PRKAR1B: variants seen among roughly 807,000 people sequenced by gnomAD.
PRKAR1B encodes the protein cAMP-dependent protein kinase type I-beta regulatory subunit.
In PRKAR1B, 22 loss-of-function variants were observed where a neutral mutation model predicts 46.5. The ratio of observed to expected loss-of-function variants is 0.47; its 90% CI spans 0.34 to 0.68. The LOEUF (loss-of-function observed/expected upper bound fraction) is 0.68. Ranked by LOEUF, PRKAR1B falls within the 30% of genes least tolerant of loss-of-function variation. PRKAR1B has a pLI of 0.01. For synonymous variants in PRKAR1B, 259 were observed against 217.7 expected, an observed-to-expected ratio of 1.19 and a Z score of -1.67; for missense variants, 445 against 535.6, an observed-to-expected ratio of 0.83 and a Z score of 1.67.
At chr7:637,810 G>C (rs1222133864) in intron 4 of PRKAR1B, among the ~76,000 whole-genome samples, 1 of 152,020 alleles carries the variant, frequency 6.6e-6, no homozygotes, top group African/African-American at 2.4e-5. Context: ...TCCAGCCTGG[G>C]GGACAAGAGA....
At chr7:618,227 C>G (rs1231308997) in intron 4 of PRKAR1B, among the ~76,000 whole-genome samples, 1 of 152,234 alleles carries the variant, frequency 6.6e-6, no homozygotes, top group South Asian at 2.1e-4. Flanking sequence ...CAGCAAACCC[C>G]GCCGTTCCCG....
At chr7:569,508 T>C (rs1433564774) in intron 9 of PRKAR1B, among the ~76,000 whole-genome samples, 2 of 152,214 alleles carry the variant, frequency 1.3e-5, no homozygotes, top group African/African-American at 2.4e-5. Flanking sequence ...ACACAGCCCG[T>C]TGTGCCCAAG....
chr7:609,358 T>A (rs891048827), intron 4 of PRKAR1B, among the ~76,000 whole-genome samples: 1 of 152,220 alleles, frequency 6.6e-6, no homozygotes, highest in African/African-American at 2.4e-5. Flanking sequence ...AAATATTCCA[T>A]TAAATGCCTT....
In PRKAR1B at chr7:593,410, C is replaced by T. The variant is rs142918995; in HGVS notation, c.708+2736G>A. Among the ~76,000 whole-genome samples the T allele has an allele frequency of 6.0e-4, 92 of 152,320 alleles. No homozygotes were observed. Among genetic ancestry groups the T allele is most frequent in the East Asian group, 3.1e-3 (16 of 5,182 alleles). ...GCAAATGCTCCCGTCCAAACCAGCC[C>T]GGCGCGGCCAGCTATTCTTAGCGCA... On this transcript the variant is annotated intron_variant, in intron 7 of 10. Coordinates refer to ENST00000537384, the MANE Select transcript of PRKAR1B (RefSeq NM_001164760.2). The surrounding 1 kb of genome is among the most constrained non-coding windows in gnomAD (Gnocchi z 6.1).
chr7:571,861 G>A (rs1362388602), intron 9 of PRKAR1B, among the ~76,000 whole-genome samples: 1 of 152,218 alleles, frequency 6.6e-6, no homozygotes, highest in Non-Finnish European at 1.5e-5. Context: ...GGAACAGCTG[G>A]ACCGTCCCCG....
chr7:659,231 T>G (rs1785368184), intron 4 of PRKAR1B, among the ~76,000 whole-genome samples: 1 of 152,300 alleles, frequency 6.6e-6, no homozygotes, highest in South Asian at 2.1e-4. Context: ...TTACTTATAG[T>G]CTCTTCCATT....
intron 9 of PRKAR1B, among the ~76,000 whole-genome samples, chr7:567,547 TCATCACCATCACCTTCATCAC>T (rs1403889891): frequency 7.9e-6 from 1 of 126,774 alleles, no homozygotes; most frequent in Admixed American, 7.8e-5. Context: ...ATCACCATCA[TCATCACCATCACCTTCATCAC>T]CATCACCGCC....
At chr7:665,462 C>G (rs1785856757) in intron 4 of PRKAR1B, among the ~76,000 whole-genome samples, 1 of 152,198 alleles carries the variant, frequency 6.6e-6, no homozygotes, top group South Asian at 2.1e-4. Flanking sequence ...TTGCATACAT[C>G]ATCTGATGCA....
intron 8 of PRKAR1B, among the ~76,000 whole-genome samples, chr7:583,488 C>CTT (rs1780363359): frequency 1.5e-5 from 1 of 67,642 alleles, no homozygotes; most frequent in Non-Finnish European, 3.2e-5. Context: ...CACGCACACA[C>CTT]GTGTGTGCAC....
chr7:605,222 G>A (rs1277656083), intron 6 of PRKAR1B, among the ~76,000 whole-genome samples: 1 of 152,268 alleles, frequency 6.6e-6, no homozygotes, highest in Non-Finnish European at 1.5e-5. Context: ...GGAGGATGAT[G>A]TCACTGAGGT....
At chr7:681,515 T>C (rs1448781602) in intron 2 of PRKAR1B, among the ~76,000 whole-genome samples, 1 of 152,168 alleles carries the variant, frequency 6.6e-6, no homozygotes, top group Non-Finnish European at 1.5e-5. Context: ...TTTAATTTGC[T>C]TTTTAAAGTG....
intron 2 of PRKAR1B, among the ~76,000 whole-genome samples, chr7:684,124 G>A (rs966768994): frequency 8.1e-5 from 11 of 135,058 alleles, no homozygotes; most frequent in African/African-American, 1.7e-4. Flanking sequence ...CCACCTCTAC[G>A]TGTGTGCTGA....
intron 2 of PRKAR1B, among the ~76,000 whole-genome samples, chr7:709,650 G>A (rs1014138021): frequency 3.9e-5 from 6 of 152,032 alleles, no homozygotes; most frequent in African/African-American, 7.2e-5. Flanking sequence ...GATTACAGGC[G>A]TGAGCCACTG....
chr7:685,216 C>T (rs1336947488), intron 2 of PRKAR1B, among the ~76,000 whole-genome samples: 1 of 137,006 alleles, frequency 7.3e-6, no homozygotes, highest in Non-Finnish European at 1.6e-5. Flanking sequence ...ATATATATAA[C>T]ATGTTATATA....
rs75790791 is a variant in PRKAR1B, at chr7:649,812, C to A, written c.440+27417G>T. ...AAGTCCTGGACTGAAGCGATCCCCC[C>A]ATCTCAGCTTCCTGAGTAGCTGGGA... On this transcript the variant is annotated intron_variant, in intron 4 of 10. Transcript: ENST00000537384. Among the ~76,000 whole-genome samples the A allele has an allele frequency of 4.7e-3, 717 of 151,916 alleles. 10 individuals carry two copies. The highest frequency in any genetic ancestry group is 4.7e-3 in the Non-Finnish European group (316 of 67,944).
intron 4 of PRKAR1B, among the ~76,000 whole-genome samples, chr7:609,517 C>T (rs1259335600): frequency 2.0e-5 from 3 of 152,190 alleles, no homozygotes; most frequent in African/African-American, 7.2e-5. Flanking sequence ...CTGCCTCCAC[C>T]ACCCTTGCTA....
chr7:614,671 G>A (rs551478953), intron 4 of PRKAR1B, among the ~76,000 whole-genome samples: 1 of 152,296 alleles, frequency 6.6e-6, no homozygotes, highest in African/African-American at 2.4e-5. Flanking sequence ...CAGCACTTTG[G>A]GAGGCCGAAG....
rs149609799 is a variant in PRKAR1B at position 599,590 on chromosome 7, T to C, written c.550-3286A>G. Among the ~76,000 whole-genome samples the C allele has an allele frequency of 6.4e-3, 976 of 152,330 alleles. 12 individuals are homozygous for C. The highest frequency in any genetic ancestry group is 0.022 in the African/African-American group (916 of 41,574). ...GGCGTGAGCCACCACGCCCAGCTTCTCTTCTTTTAAAAGAAAAAACAATGG... is the reference window on the plus strand; with the variant it reads ...GGCGTGAGCCACCACGCCCAGCTTCCCTTCTTTTAAAAGAAAAAACAATGG... On this transcript the variant is annotated intron_variant, in intron 6 of 10. Coordinates refer to ENST00000537384, the MANE Select transcript of PRKAR1B (RefSeq NM_001164760.2).
intron 9 of PRKAR1B, among the ~76,000 whole-genome samples, chr7:557,572 T>C (rs566154719): frequency 5.3e-5 from 8 of 152,202 alleles, no homozygotes; most frequent in African/African-American, 1.2e-4. Context: ...AGAAACAGGA[T>C]GGACATGGAC....
Sources: allele counts gnomAD v4.1 joint callset (sites outside exome capture counted in the v4.1 genomes callset), GRCh38; gene constraint gnomAD v4.1.1; non-coding constraint Gnocchi (gnomAD v3.1); transcripts MANE v1.5; gene names NCBI Gene and HGNC (gene_info 2026-07-23, HGNC 2026-07-21).